ILDR2: variants seen among roughly 807,000 people sequenced by gnomAD.
The protein encoded by ILDR2 is immunoglobulin like domain containing receptor 2.
Under a neutral mutation model 66.8 loss-of-function variants are expected in ILDR2, and 25 were observed. The ratio of observed to expected loss-of-function variants is 0.37; its 90% CI spans 0.27 to 0.52. ILDR2 has a LOEUF of 0.52. Ranked by LOEUF, ILDR2 falls within the 20% of genes least tolerant of loss-of-function variation. The pLI is 0.88. For synonymous variants in ILDR2, 367 were observed against 357.2 expected, an observed-to-expected ratio of 1.03 and a Z score of -0.31; for missense variants, 827 against 876.8, an observed-to-expected ratio of 0.94 and a Z score of 0.72.
At chr1:166,947,747 C>G (rs969026317) in intron 3 of ILDR2, among the ~76,000 whole-genome samples, 34 of 152,262 alleles carry the variant, frequency 2.2e-4, no homozygotes, top group Non-Finnish European at 4.4e-4. Context: ...GGCTCCTGCC[C>G]GGGGTAACCA....
At chr1:166,922,031 AG>A (rs1659979866) in intron 8 of ILDR2, among the ~76,000 whole-genome samples, 1 of 152,198 alleles carries the variant, frequency 6.6e-6, no homozygotes, top group Non-Finnish European at 1.5e-5. Flanking sequence ...AGCTTAAAAT[AG>A]GGGCATTAAT....
chr1:166,958,094 G>A lies in ILDR2; in HGVS notation c.54C>T (p.Val18=), dbSNP rs774326353. 12 of 1,607,102 alleles carry A rather than the reference G, an allele frequency of 7.5e-6. No individual in the cohort carries two copies. The highest frequency in any genetic ancestry group is 6.6e-5 in the South Asian group (6 of 90,884). Residue 18 remains valine (V), a synonymous_variant, in exon 2 of 10, where the codon GTC becomes GTT. Coordinates refer to ENST00000271417, the MANE Select transcript of ILDR2 (RefSeq NM_199351.3). ...CGGGCACTGTGACCTGAAGGCCTTC[G>A]ACCATGGCTGCAAAACAGAATAAAC... ...WISLFWLTAM[V]EGLQVTVPDK...
intron 3 of ILDR2, 80 bp from the exon 4 acceptor site, chr1:166,939,650 T>G: frequency 8.2e-7 from 1 of 1,214,236 alleles, no homozygotes; most frequent in Non-Finnish European, 1.2e-6. Flanking sequence ...CTCCAGTTGG[T>G]ACCATCCACA....
At chr1:166,900,265 T>C (rs1208136664) in intron 2 of ILDR2, among the ~76,000 whole-genome samples, 1 of 151,686 alleles carries the variant, frequency 6.6e-6, no homozygotes, top group Non-Finnish European at 1.5e-5. Flanking sequence ...TTCTCTCTAT[T>C]GCCATCTTTC....
chr1:166,959,098 A>C (rs902042361), intron 1 of ILDR2, among the ~76,000 whole-genome samples: 2 of 152,214 alleles, frequency 1.3e-5, no homozygotes, highest in Non-Finnish European at 2.9e-5. Context: ...AGGTCTTTGC[A>C]CATGATGTCT....
chr1:166,959,492 T>C (rs1662484931), intron 1 of ILDR2, among the ~76,000 whole-genome samples: 1 of 152,040 alleles, frequency 6.6e-6, no homozygotes, highest in Non-Finnish European at 1.5e-5. Context: ...AAAAGGAAAA[T>C]AAGTCTTTGA....
At chr1:166,907,881 G>A (rs1000607095), downstream of ILDR2, among the ~76,000 whole-genome samples, 3 of 152,168 alleles carry the variant, frequency 2.0e-5, no homozygotes, top group Admixed American at 2.0e-4. Flanking sequence ...AGAGAAGGCC[G>A]CTTTGGTCTG....
At chr1:166,968,660 C>T (rs1276691364) in intron 1 of ILDR2, among the ~76,000 whole-genome samples, 1 of 152,088 alleles carries the variant, frequency 6.6e-6, no homozygotes, top group Non-Finnish European at 1.5e-5. Context: ...TTGCTTTGGT[C>T]AATGGGTTGT....
chr1:166,919,444 C>G, intron 9 of ILDR2, 54 bp from the exon 10 acceptor site: 1 of 1,526,156 alleles, frequency 6.6e-7, no homozygotes. Flanking sequence ...TTAAAGAAAA[C>G]AACGAATAAC....
At chr1:166,968,625 G>A (rs149056504) in intron 1 of ILDR2, among the ~76,000 whole-genome samples, 52 of 152,136 alleles carry the variant, frequency 3.4e-4, no homozygotes, top group African/African-American at 1.1e-3. Context: ...TACTTACCCC[G>A]TAGACTTAAG....
At chr1:166,934,993 T>C (rs1660859376) in intron 6 of ILDR2, among the ~76,000 whole-genome samples, 1 of 152,232 alleles carries the variant, frequency 6.6e-6, no homozygotes, top group South Asian at 2.1e-4. Context: ...AGTGGACTCC[T>C]GTAGGTAGGG....
Position 166,922,813 on chromosome 1 carries a change from C to T in ILDR2, c.995-4G>A. 6.2e-7 allele frequency: 1 copy of T among 1,612,838 alleles called. No homozygotes were observed. Among genetic ancestry groups the T allele is most frequent in the Non-Finnish European group, 8.5e-7 (1 of 1,178,834 alleles). On this transcript the variant is annotated splice_polypyrimidine_tract_variant and splice_region_variant and intron_variant, in intron 7 of 9. Transcript: ENST00000271417. ...AGTTCTGAGATGGTGTTGTTATCTG[C>T]AGGGACAAAATCAGGCATGATAGAG...
At chr1:166,897,028 G>C (rs1215399662) in intron 2 of ILDR2, among the ~76,000 whole-genome samples, 1 of 152,144 alleles carries the variant, frequency 6.6e-6, no homozygotes, top group South Asian at 2.1e-4. Flanking sequence ...GCTGCTATAC[G>C]CAATTGGGAA....
chr1:166,929,491 C>G (rs937368354), intron 6 of ILDR2, among the ~76,000 whole-genome samples: 1 of 152,158 alleles, frequency 6.6e-6, no homozygotes, highest in African/African-American at 2.4e-5. Flanking sequence ...CTCCATGTGC[C>G]TAAAACCATG....
chr1:166,904,560 T>C (rs930071388), downstream of ILDR2, among the ~76,000 whole-genome samples: 2 of 152,220 alleles, frequency 1.3e-5, no homozygotes, highest in Non-Finnish European at 2.9e-5. Flanking sequence ...GAGATCTGGA[T>C]GCTAGCTCCA....
chr1:166,924,415 G>C (rs1289548154), intron 7 of ILDR2, among the ~76,000 whole-genome samples: 1 of 152,058 alleles, frequency 6.6e-6, no homozygotes. Context: ...TATTTATCTA[G>C]ATAATGAGGA....
chr1:166,956,538 T>C (rs1662293334), intron 3 of ILDR2, among the ~76,000 whole-genome samples, 195 bp downstream of exon 3: 1 of 151,932 alleles, frequency 6.6e-6, no homozygotes, highest in Non-Finnish European at 1.5e-5. Flanking sequence ...GGGGGGGTCA[T>C]AGCTTTCAAG....
In ILDR2 at chr1:166,910,691, G is replaced by T. The variant is rs1659454516; in HGVS notation, c.*8664C>A. On this transcript the variant is annotated 3_prime_UTR_variant, in exon 10 of 10. Coordinates refer to ENST00000271417, the MANE Select transcript of ILDR2 (RefSeq NM_199351.3). ...TCAGGAAATGCTTATAACCAATTCA[G>T]CAGAAAATATAATTTTCACCTAAGT... The T allele has an allele frequency of 6.6e-6, 1 of 152,198 alleles. No homozygotes were observed. Among genetic ancestry groups the T allele is most frequent in the Admixed American group, 6.5e-5 (1 of 15,280 alleles). 9.4% of individuals were successfully genotyped at this position (152,198 alleles called of 1,614,324 possible). A position where few individuals can be genotyped will look rare whatever the true frequency, so the allele number is the denominator to read the frequency against.
intron 9 of ILDR2, among the ~76,000 whole-genome samples, chr1:166,919,994 C>T (rs920087935): frequency 1.3e-5 from 2 of 152,076 alleles, no homozygotes; most frequent in African/African-American, 4.8e-5. Context: ...TGACTGTCCC[C>T]CAACATTTCT....
Sources: allele counts gnomAD v4.1 joint callset (sites outside exome capture counted in the v4.1 genomes callset), GRCh38; gene constraint gnomAD v4.1.1; transcripts MANE v1.5; gene names NCBI Gene and HGNC (gene_info 2026-07-23, HGNC 2026-07-21).